The following HAAO variants were observed in gnomAD, a reference collection of about 807,000 sequenced individuals.
HAAO encodes the protein 3-hydroxyanthranilate 3,4-dioxygenase.
Under a neutral mutation model 46.2 loss-of-function variants are expected in HAAO, and 49 were observed. That is an observed-to-expected ratio of 1.06 (90% CI 0.84 to 1.34). The LOEUF is 1.34. Among genes scored for constraint, HAAO ranks in the 40% most tolerant of loss-of-function variants. The probability of loss-of-function intolerance (pLI) is 0.00; values close to 1 mark genes in which losing one functional copy is unlikely to be tolerated. For missense variants in HAAO, 408 were observed against 364.5 expected (o/e 1.12, Z -0.97); for synonymous variants, 157 against 145.2 (o/e 1.08, Z -0.58).
chr2:42,783,788 C>G lies in HAAO; in HGVS notation c.239G>C (p.Gly80Ala). 2 of 1,611,766 alleles carry G rather than the reference C, an allele frequency of 1.2e-6. No homozygotes were observed. The highest frequency in any genetic ancestry group is 2.2e-5 in the South Asian group (2 of 90,442). Reference protein sequence around the residue: ...GKHRDVVIRQGEIFLLPARVP... With the variant: ...GKHRDVVIRQAEIFLLPARVP... ...CCTGCTGGGATCCGGCCTCACCTCT[C>G]CCTGCCGAATGACCACATCCCGGTG... The change falls in exon 3 of 10, where the codon GGA (glycine) becomes GCA (alanine). Residue 80 changes from glycine (G) to alanine (A), a missense_variant. Gly to Ala is a moderately conservative substitution (Grantham distance 60). Transcript: ENST00000294973.
chr2:42,773,162 A>G (rs765624150), intron 4 of HAAO, among the ~76,000 whole-genome samples: 8 of 152,200 alleles, frequency 5.3e-5, no homozygotes, highest in Non-Finnish European at 8.8e-5. Flanking sequence ...CCCTAACTCC[A>G]TATTTCTCTA....
rs182308574 is a variant in HAAO at position 42,778,184 on chromosome 2, C to T, written c.350+5130G>A. ...AGTTATCACATTATTATTAAGTTTT[C>T]GGTTGCTTAGGAAAAAAACTGAGAT... is the stretch of plus-strand genomic sequence containing the variant. On this transcript the variant is annotated intron_variant, in intron 4 of 9. Coordinates refer to ENST00000294973, the MANE Select transcript of HAAO (RefSeq NM_012205.3). Among the ~76,000 whole-genome samples the T allele has an allele frequency of 2.5e-3, 379 of 150,246 alleles. 2 individuals carry two copies. Among genetic ancestry groups the T allele is most frequent in the African/African-American group, 8.0e-3 (327 of 40,830 alleles).
chr2:42,767,874 A>T lies in HAAO; in HGVS notation c.685T>A (p.Trp229Arg). Residue 229 changes from tryptophan to arginine, a missense_variant, in exon 8 of 10, where the codon TGG (tryptophan) becomes AGG (arginine). Physicochemically the swap from Trp to Arg is moderately radical, Grantham distance 101. Coordinates refer to ENST00000294973, the MANE Select transcript of HAAO (RefSeq NM_012205.3). Reference sequence around the variant, plus strand: ...GCCCCACTTGCCAGCTGCCACAGCCACACGTCCACATTCTGTCTCAGGCCT... The same window carrying T: ...GCCCCACTTGCCAGCTGCCACAGCCTCACGTCCACATTCTGTCTCAGGCCT... ...SEGLRQNVDV[W>R]LWQLEGSSVV... 6.2e-7 allele frequency: 1 copy of T among 1,614,036 alleles called. No individual in the cohort carries two copies. The highest frequency in any genetic ancestry group is 8.5e-7 in the Non-Finnish European group (1 of 1,179,870).
rs942645124 is a variant in HAAO at position 42,789,526 on chromosome 2, G to A, written c.81-919C>T. Among the ~76,000 whole-genome samples the A allele has an allele frequency of 2.6e-5, 4 of 152,068 alleles. No individual in the cohort carries two copies. In the East Asian group the frequency reaches 5.8e-4, roughly 22 times the overall value. ...TGAGGTTGCAGTGAGCTGAGATTGC[G>A]CTACTGCACTCCAGCCTGGGTAACA... On this transcript the variant is annotated intron_variant, in intron 1 of 9. Transcript: ENST00000294973.
At chr2:42,772,458 G>A (rs1671208476) in intron 4 of HAAO, among the ~76,000 whole-genome samples, 1 of 149,326 alleles carries the variant, frequency 6.7e-6, no homozygotes, top group Non-Finnish European at 1.5e-5. Flanking sequence ...TCCAGCCTGG[G>A]TGACAGAGCA....
Position 42,783,435 on chromosome 2 carries a change from A to G in HAAO, c.244-15T>C. On this transcript the variant is annotated splice_polypyrimidine_tract_variant and intron_variant, in intron 3 of 9. Coordinates refer to ENST00000294973, the MANE Select transcript of HAAO (RefSeq NM_012205.3). ...AGGAGGAATATCTGCAGTGGTAGAG[A>G]TAAGGTGCACAGTGAGGCTGCAATC... is the stretch of plus-strand genomic sequence containing the variant. 1.3e-6 allele frequency: 2 copies of G among 1,517,502 alleles called. No individual in the cohort carries two copies. Among genetic ancestry groups the G allele is most frequent in the Non-Finnish European group, 1.8e-6 (2 of 1,095,344 alleles). 94.0% of individuals were successfully genotyped at this position (1,517,502 alleles called of 1,614,324 possible).
intron 4 of HAAO, among the ~76,000 whole-genome samples, chr2:42,773,474 A>C (rs868301872): frequency 1.3e-5 from 2 of 152,020 alleles, no homozygotes; most frequent in Non-Finnish European, 2.9e-5. Flanking sequence ...CGCTTTCCAC[A>C]TCTCACCCCT....
chr2:42,784,781 A>G (rs1436841686), intron 2 of HAAO, among the ~76,000 whole-genome samples: 1 of 152,232 alleles, frequency 6.6e-6, no homozygotes, highest in Non-Finnish European at 1.5e-5. Context: ...GTCTGCCACT[A>G]GGCACAAATA....
At chr2:42,789,944 A>G (rs1165055116) in intron 1 of HAAO, among the ~76,000 whole-genome samples, 1 of 152,184 alleles carries the variant, frequency 6.6e-6, no homozygotes, top group Non-Finnish European at 1.5e-5. Context: ...CCTGCCACAG[A>G]GGGCAGGGGC....
intron 1 of HAAO, among the ~76,000 whole-genome samples, chr2:42,789,829 A>G (rs1360673705): frequency 6.6e-6 from 1 of 152,200 alleles, no homozygotes; most frequent in Non-Finnish European, 1.5e-5. Flanking sequence ...TCCTGAGAAC[A>G]GCCTGCCCCA....
chr2:42,785,570 TA>T (rs199566967), intron 2 of HAAO, among the ~76,000 whole-genome samples: 3 of 151,474 alleles, frequency 2.0e-5, no homozygotes, highest in East Asian at 1.9e-4. Context: ...CTTTCCTTAT[TA>T]AAAAAAAACC....
At chr2:42,781,326 A>G (rs181934160) in intron 4 of HAAO, among the ~76,000 whole-genome samples, 1 of 152,332 alleles carries the variant, frequency 6.6e-6, no homozygotes, top group East Asian at 1.9e-4. Flanking sequence ...TATGGAGCCA[A>G]TAAAAACCCT....
Position 42,767,649 on chromosome 2 carries a change from C to G in HAAO, c.728G>C (p.Gly243Ala). ...LEGSSVVTMG[G>A]RRLSLAPDDS... The stretch of plus-strand genomic sequence containing the variant: ...ATCAGGGGCCAGGCTCAGGCGCCGT[C>G]CCCCCATTGTCACCACCGAGGAGCC... Residue 243 changes from glycine to alanine, a missense_variant, in exon 9 of 10, where the codon GGA becomes GCA. By Grantham distance (60) the Gly-to-Ala change is moderately conservative. Coordinates refer to ENST00000294973, the MANE Select transcript of HAAO (RefSeq NM_012205.3). The G allele has an allele frequency of 6.4e-7, 1 of 1,568,582 alleles. No homozygotes were observed. Among genetic ancestry groups the G allele is most frequent in the Non-Finnish European group, 8.7e-7 (1 of 1,155,936 alleles).
intron 2 of HAAO, among the ~76,000 whole-genome samples, chr2:42,785,784 C>G (rs533668731): frequency 6.6e-6 from 1 of 152,010 alleles, no homozygotes; most frequent in Non-Finnish European, 1.5e-5. Flanking sequence ...ATCACTTGAG[C>G]CCCAGAAGTT....
intron 4 of HAAO, 143 bp from the exon 5 acceptor site, chr2:42,770,725 G>T: frequency 1.8e-6 from 1 of 546,164 alleles, no homozygotes; most frequent in Non-Finnish European, 3.2e-6. Context: ...AGTGGTCACT[G>T]GTCACTTAAC....
chr2:42,791,223 A>G (rs1450803627), intron 1 of HAAO, among the ~76,000 whole-genome samples: 1 of 152,232 alleles, frequency 6.6e-6, no homozygotes, highest in Non-Finnish European at 1.5e-5. Flanking sequence ...ACACAAGGAG[A>G]CTGCCTTGTG....
rs761954910 is a variant in HAAO at position 42,767,254 on chromosome 2, C to T, written c.*183G>A. On this transcript the variant is annotated 3_prime_UTR_variant, in exon 10 of 10. Coordinates refer to ENST00000294973, the MANE Select transcript of HAAO (RefSeq NM_012205.3). ...CCAGAGAAGATGGGGAGCTGCTGCC[C>T]GCCCAGGGGCATGGCATCTGGGCTG... is the stretch of plus-strand genomic sequence containing the variant. 21 of 617,224 alleles carry T rather than the reference C, an allele frequency of 3.4e-5. No individual in the cohort carries two copies. Among genetic ancestry groups the T allele is most frequent in the South Asian group, 7.3e-5 (4 of 54,598 alleles). 38.2% of individuals were successfully genotyped at this position (617,224 alleles called of 1,614,324 possible).
chr2:42,791,923 GGTGTGT>G (rs1553413105), intron 1 of HAAO, among the ~76,000 whole-genome samples: 1 of 150,170 alleles, frequency 6.7e-6, no homozygotes, highest in African/African-American at 2.5e-5. Flanking sequence ...GGTCTGGTGT[GGTGTGT>G]GTGTGTGTGT....
intron 4 of HAAO, among the ~76,000 whole-genome samples, chr2:42,771,538 G>C (rs1573905697): frequency 6.6e-6 from 1 of 152,140 alleles, no homozygotes; most frequent in South Asian, 2.1e-4. Flanking sequence ...TTGAGAGTTG[G>C]AGCAAAGTTT....
Sources: allele counts gnomAD v4.1 joint callset (sites outside exome capture counted in the v4.1 genomes callset), GRCh38; gene constraint gnomAD v4.1.1; transcripts MANE v1.5; gene names NCBI Gene and HGNC (gene_info 2026-07-23, HGNC 2026-07-21).